The following ADCY8 variants were observed in gnomAD, a reference collection of about 807,000 sequenced individuals.
The protein encoded by ADCY8 is adenylate cyclase 8, also known as adenylate cyclase type 8.
Under a neutral mutation model 119.7 loss-of-function variants are expected in ADCY8, and 51 were observed. The ratio of observed to expected loss-of-function variants is 0.43; its 90% CI spans 0.34 to 0.54. ADCY8 has a LOEUF of 0.54. Among genes scored for constraint, ADCY8 ranks in the 20% least tolerant of loss-of-function variants. The pLI is 0.03. For missense variants in ADCY8, 1,383 were observed against 1,598.8 expected, an observed-to-expected ratio of 0.87 and a Z score of 2.30; for synonymous variants, 665 against 651.0, an observed-to-expected ratio of 1.02 and a Z score of -0.33.
intron 8 of ADCY8, among the ~76,000 whole-genome samples, chr8:130,876,556 G>A (rs966363293): frequency 2.0e-5 from 3 of 152,048 alleles, no homozygotes; most frequent in East Asian, 1.9e-4. Flanking sequence ...TGATTCTTAC[G>A]TGTTCATGCA....
intron 17 of ADCY8, among the ~76,000 whole-genome samples, chr8:130,783,432 A>G (rs901691700): frequency 1.3e-5 from 2 of 152,220 alleles, no homozygotes; most frequent in East Asian, 1.9e-4. Context: ...GGGGTTCACA[A>G]TAGTCTAGCA....
At chr8:130,794,050 G>A (rs1198539393) in intron 15 of ADCY8, among the ~76,000 whole-genome samples, 1 of 152,140 alleles carries the variant, frequency 6.6e-6, no homozygotes, top group East Asian at 1.9e-4. Context: ...GACACACACA[G>A]GGACAAAGAC....
intron 14 of ADCY8, among the ~76,000 whole-genome samples, chr8:130,806,293 G>A (rs1048329230): frequency 3.3e-5 from 5 of 152,324 alleles, no homozygotes; most frequent in South Asian, 2.1e-4. Flanking sequence ...GGCTACTCAC[G>A]CTGGTTCCAG....
chr8:131,011,096 C>G (rs1181523575), intron 1 of ADCY8, among the ~76,000 whole-genome samples: 1 of 151,702 alleles, frequency 6.6e-6, no homozygotes, highest in Admixed American at 6.6e-5. Context: ...TCTTCTGTGC[C>G]TCGAATCTAG....
At chr8:130,914,987 C>T (rs1820083929) in intron 5 of ADCY8, among the ~76,000 whole-genome samples, 1 of 152,094 alleles carries the variant, frequency 6.6e-6, no homozygotes. Context: ...TCTAAGAGTC[C>T]CAGAGAAACC....
chr8:130,878,049 G>T (rs2130436429), intron 8 of ADCY8, among the ~76,000 whole-genome samples: 1 of 152,280 alleles, frequency 6.6e-6, no homozygotes, highest in South Asian at 2.1e-4. Flanking sequence ...ACAAACTTCT[G>T]TTATATGAAT....
intron 5 of ADCY8, among the ~76,000 whole-genome samples, chr8:130,925,401 C>T (rs370080710): frequency 6.6e-6 from 1 of 152,122 alleles, no homozygotes; most frequent in Non-Finnish European, 1.5e-5. Flanking sequence ...AACATGCATG[C>T]TACCTATTTG....
intron 12 of ADCY8, among the ~76,000 whole-genome samples, chr8:130,825,466 A>G (rs1256947887): frequency 6.6e-6 from 1 of 152,176 alleles, no homozygotes; most frequent in East Asian, 1.9e-4. Context: ...AAGATGATGA[A>G]TGGGAAGTGT....
chr8:130,871,964 G>GCA (rs141268590), intron 8 of ADCY8, among the ~76,000 whole-genome samples: 17 of 151,252 alleles, frequency 1.1e-4, no homozygotes, highest in South Asian at 2.1e-4. Flanking sequence ...ACACGCACGT[G>GCA]CACACACACA....
rs1817055540 is a variant in ADCY8, at chr8:130,838,534, G to A, written c.2503-2085C>T. Among the ~76,000 whole-genome samples the A allele has an allele frequency of 1.4e-5, 2 of 142,496 alleles. 1 individual carries two copies. Among genetic ancestry groups the A allele is most frequent in the South Asian group, 5.3e-4 (2 of 3,746 alleles). 93.5% of individuals were successfully genotyped at this position (142,496 alleles called of 152,430 possible). A position where few individuals can be genotyped will look rare whatever the true frequency, so the allele number is the denominator to read the frequency against. ...TCTAAGGCCCTCCAGTTTGACAAAGGCCAAAGAAAGAGGACTAGATCTGAG... is the reference window on the plus strand; with the variant it reads ...TCTAAGGCCCTCCAGTTTGACAAAGACCAAAGAAAGAGGACTAGATCTGAG... On this transcript the variant is annotated intron_variant, in intron 11 of 17. Transcript: ENST00000286355.
intron 7 of ADCY8, among the ~76,000 whole-genome samples, chr8:130,899,961 T>G (rs1819541520): frequency 1.3e-5 from 2 of 152,204 alleles, no homozygotes; most frequent in African/African-American, 4.8e-5. Flanking sequence ...CTCCTTCTAC[T>G]TTTTAAATCT....
chr8:130,800,786 A>C (rs1232704239), intron 14 of ADCY8, among the ~76,000 whole-genome samples: 1 of 152,158 alleles, frequency 6.6e-6, no homozygotes, highest in East Asian at 1.9e-4. Flanking sequence ...AAACAACAGA[A>C]ATTTATTTCT....
chr8:130,920,399 G>A (rs999093465), intron 5 of ADCY8, among the ~76,000 whole-genome samples: 14 of 152,090 alleles, frequency 9.2e-5, no homozygotes, highest in Admixed American at 3.9e-4. Context: ...TGGCTCCACC[G>A]CATGTGGGGC....
At chr8:130,861,769 T>C (rs72712494) in intron 9 of ADCY8, among the ~76,000 whole-genome samples, 11,426 of 152,100 alleles carry the variant, frequency 0.075, 477 homozygotes, top group Non-Finnish European at 0.1. Flanking sequence ...GGGGGGAAGC[T>C]GCAGTCTTTT....
At chr8:130,993,658 A>C (rs1251044860) in intron 1 of ADCY8, among the ~76,000 whole-genome samples, 1 of 152,158 alleles carries the variant, frequency 6.6e-6, no homozygotes, top group African/African-American at 2.4e-5. Flanking sequence ...TTCTTCTTTC[A>C]CTTGGCTTTC....
chr8:130,931,869 T>G (rs1475064834), intron 5 of ADCY8, among the ~76,000 whole-genome samples: 2 of 152,226 alleles, frequency 1.3e-5, no homozygotes, highest in Non-Finnish European at 2.9e-5. Context: ...TTTTGCATTT[T>G]CTTCATGTTT....
chr8:130,783,453 G>T (rs1248927390), intron 17 of ADCY8, among the ~76,000 whole-genome samples: 4 of 152,312 alleles, frequency 2.6e-5, no homozygotes, highest in East Asian at 3.9e-4. Flanking sequence ...TTTGCCAAAG[G>T]CTGGCTGCTT....
intron 15 of ADCY8, among the ~76,000 whole-genome samples, chr8:130,792,537 C>T (rs186620700): frequency 6.6e-6 from 1 of 152,254 alleles, no homozygotes; most frequent in Admixed American, 6.5e-5. Flanking sequence ...CCTCATCGAC[C>T]CCCATCTTGG....
intron 7 of ADCY8, chr8:130,892,042 A>C (rs192639525): frequency 6.6e-6 from 1 of 152,264 alleles, no homozygotes; most frequent in East Asian, 1.9e-4. Flanking sequence ...ATGTTTAACG[A>C]GATCTTATTG....
Sources: gnomAD v4.1 joint callset for allele counts (sites outside exome capture counted in the v4.1 genomes callset) on GRCh38, gnomAD v4.1.1 for gene constraint, MANE v1.5 for transcripts, NCBI Gene and HGNC (gene_info 2026-07-23, HGNC 2026-07-21) for gene names.